TMEM106A: variants seen among roughly 807,000 people sequenced by gnomAD.
TMEM106A encodes the protein transmembrane protein 106A.
TMEM106A carries 22 observed loss-of-function variants against 25.1 expected under a neutral mutation model. The observed-to-expected ratio is 0.88, with a 90% confidence interval of 0.63 to 1.25. The LOEUF (loss-of-function observed/expected upper bound fraction) is 1.25. Ranked by LOEUF, TMEM106A falls within the 50% of genes most tolerant of loss-of-function variation. The pLI is 0.00. For missense variants in TMEM106A, 275 were observed against 318.1 expected (o/e 0.86, Z 1.03); for synonymous variants, 104 against 129.9 (o/e 0.80, Z 1.35).
chr17:43,216,625 G>T (rs2057488966), intron 6 of TMEM106A, 36 bp downstream of exon 6: 2 of 1,614,186 alleles, frequency 1.2e-6, no homozygotes, highest in Non-Finnish European at 1.7e-6. Flanking sequence ...CTGCCCACTG[G>T]TGTGTGGATG....
rs188136049 is a variant in TMEM106A at position 43,215,749 on chromosome 17, C to T, written c.276-39C>T. ...TCTCCGAGTTTCCTTGGTGTTCAGACTTTTCCATTCCTCCATCCTGGGTCC... is the reference window on the plus strand; with the variant it reads ...TCTCCGAGTTTCCTTGGTGTTCAGATTTTTCCATTCCTCCATCCTGGGTCC... On this transcript the variant is annotated intron_variant, in intron 4 of 8. Transcript: ENST00000612339. The T allele has an allele frequency of 2.0e-4, 320 of 1,611,042 alleles. 1 individual carries two copies. The African/African-American group carries it at 3.6e-3, about 18-fold the overall frequency.
At chr17:43,214,195 AAAAAAAAAAAG>A (rs1567875722) in intron 4 of TMEM106A, among the ~76,000 whole-genome samples, 2 of 146,572 alleles carry the variant, frequency 1.4e-5, no homozygotes, top group African/African-American at 5.0e-5. Flanking sequence ...TATCAAAAAA[AAAAAAAAAAAG>A]AAAAAAAAAA....
rs181600464 is a variant in TMEM106A at position 43,218,150 on chromosome 17, C to T, written c.*349C>T. 2.8e-5 allele frequency: 7 copies of T among 246,806 alleles called. No homozygotes were observed. In the East Asian group the frequency reaches 8.4e-4, roughly 30 times the overall value. The allele number at this position is 246,806 out of a possible 1,614,324, so 15.3% of individuals were successfully genotyped here. A position where few individuals can be genotyped will look rare whatever the true frequency, so the allele number is the denominator to read the frequency against. On this transcript the variant is annotated 3_prime_UTR_variant, in exon 9 of 9. Transcript: ENST00000612339. Reference sequence around the variant, plus strand: ...CCTCCCTTCTTGGCCTCCCAAAGCACTTGGATTACAGATGTGAGCCTGTGC... The same window carrying T: ...CCTCCCTTCTTGGCCTCCCAAAGCATTTGGATTACAGATGTGAGCCTGTGC...
rs149103916 is a variant in TMEM106A at position 43,215,865 on chromosome 17, C to T, written c.353C>T (p.Ser118Phe). 1 of 1,614,148 alleles carries T rather than the reference C, an allele frequency of 6.2e-7. No individual in the cohort carries two copies. The highest frequency in any genetic ancestry group is 8.5e-7 in the Non-Finnish European group (1 of 1,180,024). Residue 118 changes from serine to phenylalanine, a missense_variant, in exon 5 of 9, where the codon TCC becomes TTC. Ser to Phe is a radical substitution (Grantham distance 155, BLOSUM62 -2). Transcript: ENST00000612339. The stretch of plus-strand genomic sequence containing the variant: ...ATCGTCTTTTTCCTGTTTCCCCGGT[C>T]CGTCATTGTGCAGCCTGCAGGCCTC... ...SFIVFFLFPR[S>F]VIVQPAGLNS...
At position 43,215,906 on chromosome 17, in the gene TMEM106A, G is replaced by T. The variant is rs766422632; in HGVS notation, c.394G>T (p.Ala132Ser). 1.2e-6 allele frequency: 2 copies of T among 1,614,078 alleles called. No individual in the cohort carries two copies. The highest frequency in any genetic ancestry group is 1.7e-6 in the Non-Finnish European group (2 of 1,180,006). ...TGCAGGCCTCAACTCCTCCACAGTG[G>T]CCTTTGATGAGGCTGATATCTACCT... is the stretch of plus-strand genomic sequence containing the variant. Reference protein sequence around the residue: ...QPAGLNSSTVAFDEADIYLNI... With the variant: ...QPAGLNSSTVSFDEADIYLNI... Residue 132 changes from alanine (A) to serine (S), a missense_variant, in exon 5 of 9, where the codon GCC (alanine) becomes TCC (serine). Physicochemically the swap from Ala to Ser is moderately conservative, Grantham distance 99. Coordinates refer to ENST00000612339, the MANE Select transcript of TMEM106A (RefSeq NM_145041.4).
chr17:43,217,383 T>C (rs1397972390), intron 8 of TMEM106A, 71 bp downstream of exon 8: 42 of 1,555,102 alleles, frequency 2.7e-5, no homozygotes, highest in Non-Finnish European at 2.9e-5. Context: ...CTACACCTCA[T>C]GGGCAGAGAG....
chr17:43,217,794 C>T lies in TMEM106A; in HGVS notation c.782C>T (p.Pro261Leu). ...ASVPHQLTPH[P>L]P ...GTGCCCCACCAGCTGACCCCTCACC[C>T]ACCATGACCTGTCTGCTGTCCCTGT... The change falls in exon 9 of 9, where the codon CCA (proline) becomes CTA (leucine). Residue 261 changes from proline (P) to leucine (L), a missense_variant. Coordinates refer to ENST00000612339, the MANE Select transcript of TMEM106A (RefSeq NM_145041.4). The T allele has an allele frequency of 6.2e-7, 1 of 1,614,174 alleles. No homozygotes were observed. The highest frequency in any genetic ancestry group is 1.1e-5 in the South Asian group (1 of 91,082).
chr17:43,218,755 T>G lies in TMEM106A; in HGVS notation c.*954T>G, dbSNP rs1408813637. The stretch of plus-strand genomic sequence containing the variant: ...AGGACTTTCAGGGGATCATAGATGC[T>G]TTTCTGTGCCTATCTGCTTTGACCA... On this transcript the variant is annotated 3_prime_UTR_variant, in exon 9 of 9. Coordinates refer to ENST00000612339, the MANE Select transcript of TMEM106A (RefSeq NM_145041.4). The G allele has an allele frequency of 6.6e-6, 1 of 152,204 alleles. No homozygotes were observed. Among genetic ancestry groups the G allele is most frequent in the African/African-American group, 2.4e-5 (1 of 41,450 alleles). 9.4% of individuals were successfully genotyped at this position (152,204 alleles called of 1,614,324 possible). A position where few individuals can be genotyped will look rare whatever the true frequency, so the allele number is the denominator to read the frequency against.
chr17:43,219,205 G>C lies in TMEM106A; in HGVS notation c.*1404G>C, dbSNP rs753396930. On this transcript the variant is annotated 3_prime_UTR_variant, in exon 9 of 9. Coordinates refer to ENST00000612339, the MANE Select transcript of TMEM106A (RefSeq NM_145041.4). ...ATCAGTATCCAGCTGAAGGCTGCTGGGTTCTGTTCCACCACCACCTTAGCA... is the reference window on the plus strand; with the variant it reads ...ATCAGTATCCAGCTGAAGGCTGCTGCGTTCTGTTCCACCACCACCTTAGCA... 6.6e-6 allele frequency: 1 copy of C among 152,122 alleles called. No individual in the cohort carries two copies. The highest frequency in any genetic ancestry group is 2.4e-5 in the African/African-American group (1 of 41,428). 9.4% of individuals were successfully genotyped at this position (152,122 alleles called of 1,614,324 possible).
chr17:43,216,096 C>T (rs1419373326), intron 5 of TMEM106A, 155 bp downstream of exon 5: 8 of 914,268 alleles, frequency 8.8e-6, no homozygotes. Context: ...ACCATGAGCT[C>T]CATGACAGAT....
Position 43,215,942 on chromosome 17 carries a change from G to A in TMEM106A, c.429+1G>A, listed in dbSNP as rs1235025985. ...GGCTGATATCTACCTCAACATAACG[G>A]TGGGTGGGTGCCCTTGGCTCCAAAC... On this transcript the variant is annotated splice_donor_variant, in intron 5 of 8. Coordinates refer to ENST00000612339, the MANE Select transcript of TMEM106A (RefSeq NM_145041.4). LOFTEE classifies it high-confidence loss of function. The A allele has an allele frequency of 1.2e-6, 2 of 1,613,956 alleles. No homozygotes were observed. Among genetic ancestry groups the A allele is most frequent in the Non-Finnish European group, 8.5e-7 (1 of 1,179,942 alleles).
Position 43,219,404 on chromosome 17 carries a change from T to C in TMEM106A, c.*1603T>C, listed in dbSNP as rs1292072755. 3 of 152,136 alleles carry C rather than the reference T, an allele frequency of 2.0e-5. No individual in the cohort carries two copies. Among genetic ancestry groups the C allele is most frequent in the Non-Finnish European group, 4.4e-5 (3 of 68,048 alleles). 9.4% of individuals were successfully genotyped at this position (152,136 alleles called of 1,614,324 possible). On this transcript the variant is annotated 3_prime_UTR_variant, in exon 9 of 9. Transcript: ENST00000612339. ...CCTAGTAGAAATAGTTTCTGTACTT[T>C]AGCAGAACAGGAAGGATATTTGTTC... is the stretch of plus-strand genomic sequence containing the variant.
At chr17:43,214,233 A>C (rs1171558159) in intron 4 of TMEM106A, among the ~76,000 whole-genome samples, 3 of 151,692 alleles carry the variant, frequency 2.0e-5, no homozygotes, top group African/African-American at 7.3e-5. Context: ...GAAAGAAAGA[A>C]AGAAAAAAGC....
chr17:43,212,726 A>G (rs567303387), intron 2 of TMEM106A, among the ~76,000 whole-genome samples: 2 of 152,354 alleles, frequency 1.3e-5, no homozygotes, highest in African/African-American at 2.4e-5. Context: ...GAAAAATTAA[A>G]TGCTCTGACA....
chr17:43,213,290 A>C (rs1391975681), intron 3 of TMEM106A, 38 bp downstream of exon 3: 10 of 1,610,586 alleles, frequency 6.2e-6, no homozygotes, highest in Non-Finnish European at 5.9e-6. Context: ...CCTGGAATCC[A>C]GGGAAAGTTC....
chr17:43,213,179 G>C lies in TMEM106A; in HGVS notation c.138G>C (p.Val46=). The C allele has an allele frequency of 6.2e-7, 1 of 1,614,220 alleles. No individual in the cohort carries two copies. Among genetic ancestry groups the C allele is most frequent in the Non-Finnish European group, 8.5e-7 (1 of 1,180,052 alleles). ...GCAGCAAGTCTTTTTGTTCCTGTGT[G>C]CCTTGTGAAGGAACTGCTGATGCCA... ...TGSSKSFCSC[V]PCEGTADASF... is the part of the protein sequence containing the mutation. The change falls in exon 3 of 9, where the codon GTG becomes GTC. Residue 46 remains valine, a synonymous_variant. Coordinates refer to ENST00000612339, the MANE Select transcript of TMEM106A (RefSeq NM_145041.4).
intron 8 of TMEM106A, 93 bp from the exon 9 acceptor site, chr17:43,217,588 G>A (rs2057498306): frequency 1.3e-6 from 2 of 1,544,976 alleles, no homozygotes; most frequent in Non-Finnish European, 1.7e-6. Context: ...GGCAAATGAG[G>A]GAGCTCCCCG....
rs1567878002 is a variant in TMEM106A, at chr17:43,218,603, G to A, written c.*802G>A. 1 of 152,266 alleles carries A rather than the reference G, an allele frequency of 6.6e-6. No individual in the cohort carries two copies. The highest frequency in any genetic ancestry group is 1.5e-5 in the Non-Finnish European group (1 of 68,060). The allele number at this position is 152,266 out of a possible 1,614,324, so 9.4% of individuals were successfully genotyped here. ...TTGAAACCGGAAGGCAGAGGTTGCA[G>A]TGAGCCAAGATCGTGCAACTGCACT... On this transcript the variant is annotated 3_prime_UTR_variant, in exon 9 of 9. Coordinates refer to ENST00000612339, the MANE Select transcript of TMEM106A (RefSeq NM_145041.4).
rs1391166156 is a variant in TMEM106A, at chr17:43,218,226, C to T, written c.*425C>T. ...CTGACCTGGCATTTTCTTGAGGCAC[C>T]TTAGATTCCCTGGAGTGGCACCTGG... On this transcript the variant is annotated 3_prime_UTR_variant, in exon 9 of 9. Transcript: ENST00000612339. 1 of 195,448 alleles carries T rather than the reference C, an allele frequency of 5.1e-6. No individual in the cohort carries two copies. The highest frequency in any genetic ancestry group is 1.0e-5 in the Non-Finnish European group (1 of 95,512). The allele number at this position is 195,448 out of a possible 1,614,324, so 12.1% of individuals were successfully genotyped here.
Sources: allele counts gnomAD v4.1 joint callset (sites outside exome capture counted in the v4.1 genomes callset), GRCh38; gene constraint gnomAD v4.1.1; transcripts MANE v1.5; gene names NCBI Gene and HGNC (gene_info 2026-07-23, HGNC 2026-07-21).